Variants in CDKAL1 observed in about 807,000 individuals in gnomAD.
CDKAL1 encodes threonylcarbamoyladenosine tRNA methylthiotransferase.
In CDKAL1, 32 loss-of-function variants were observed where a neutral mutation model predicts 68.2. That is an observed-to-expected ratio of 0.47 (90% CI 0.35 to 0.63). CDKAL1 has a LOEUF of 0.63. CDKAL1 is among the 30% of genes least tolerant of loss of function. The probability of loss-of-function intolerance (pLI) is 0.00; values close to 1 mark genes in which losing one functional copy is unlikely to be tolerated. For synonymous variants in CDKAL1, 234 were observed against 244.3 expected, an observed-to-expected ratio of 0.96 and a Z score of 0.39; for missense variants, 606 against 696.7, an observed-to-expected ratio of 0.87 and a Z score of 1.47.
chr6:21,153,901 T>C (rs9460602), intron 13 of CDKAL1, among the ~76,000 whole-genome samples: 1 of 152,016 alleles, frequency 6.6e-6, no homozygotes, highest in African/African-American at 2.4e-5. Context: ...CTGGACTTTT[T>C]TCACACAGGG....
At chr6:20,806,040 G>A (rs1201744994) in intron 8 of CDKAL1, among the ~76,000 whole-genome samples, 1 of 152,222 alleles carries the variant, frequency 6.6e-6, no homozygotes, top group African/African-American at 2.4e-5. Flanking sequence ...AATATGTACA[G>A]GTCTTTATGT....
intron 13 of CDKAL1, among the ~76,000 whole-genome samples, chr6:21,172,369 C>G (rs978913714): frequency 2.6e-5 from 4 of 152,156 alleles, no homozygotes; most frequent in Admixed American, 1.3e-4. Context: ...TGCTGCCTTC[C>G]TAAAATCTAG....
intron 9 of CDKAL1, among the ~76,000 whole-genome samples, chr6:20,876,717 T>A (rs1238043738): frequency 6.6e-6 from 1 of 152,196 alleles, no homozygotes. Context: ...GAATTCAGTG[T>A]GTAATCATTA....
intron 13 of CDKAL1, among the ~76,000 whole-genome samples, chr6:21,160,307 C>CT (rs1178473324): frequency 2.0e-5 from 3 of 149,816 alleles, no homozygotes; most frequent in Non-Finnish European, 4.5e-5. Flanking sequence ...TTCTTTTTTT[C>CT]TTTTTTTTGA....
intron 7 of CDKAL1, among the ~76,000 whole-genome samples, chr6:20,760,463 C>A (rs148462155): frequency 2.2e-3 from 334 of 152,254 alleles, no homozygotes; most frequent in African/African-American, 7.1e-3. Flanking sequence ...TGGGTTAAGT[C>A]ATTTAACCTT....
At chr6:21,227,246 A>G (rs2151129457) in intron 15 of CDKAL1, among the ~76,000 whole-genome samples, 1 of 152,270 alleles carries the variant, frequency 6.6e-6, no homozygotes, top group South Asian at 2.1e-4. Context: ...TTTTCTATTC[A>G]TGATCCCTGC....
chr6:20,544,595 CAAAAAAAAA>C (rs747920604), intron 2 of CDKAL1, among the ~76,000 whole-genome samples: 4 of 56,720 alleles, frequency 7.1e-5, no homozygotes, highest in East Asian at 5.5e-4. Context: ...AACTCCGTCT[CAAAAAAAAA>C]AAAAAAAAAA....
intron 4 of CDKAL1, among the ~76,000 whole-genome samples, chr6:20,582,328 A>G (rs1765173692): frequency 6.6e-6 from 1 of 152,206 alleles, no homozygotes; most frequent in South Asian, 2.1e-4. Context: ...ATATTAAATA[A>G]ATTGTTTTGA....
At chr6:20,567,413 T>C (rs1764504976) in intron 4 of CDKAL1, among the ~76,000 whole-genome samples, 1 of 152,118 alleles carries the variant, frequency 6.6e-6, no homozygotes, top group South Asian at 2.1e-4. Context: ...TTTGAGTCCC[T>C]GAAATTAACT....
chr6:20,976,527 A>G (rs1478455695), intron 10 of CDKAL1, among the ~76,000 whole-genome samples: 4 of 152,186 alleles, frequency 2.6e-5, no homozygotes, highest in African/African-American at 7.2e-5. Context: ...TTATTGTGGT[A>G]TAACATAAAT....
At chr6:20,546,576 CAG>C (rs1561915294) in intron 3 of CDKAL1, 53 bp downstream of exon 3, 2 of 1,496,512 alleles carry the variant, frequency 1.3e-6, no homozygotes, top group Non-Finnish European at 9.2e-7. Flanking sequence ...TCTTTTGAGA[CAG>C]AGTCTTGCTC....
chr6:21,223,046 T>C (rs1779594908), intron 15 of CDKAL1, among the ~76,000 whole-genome samples: 1 of 152,132 alleles, frequency 6.6e-6, no homozygotes, highest in Admixed American at 6.5e-5. Flanking sequence ...GAAATGTCTC[T>C]GCATAACATG....
At position 20,697,684 on chromosome 6, in the gene CDKAL1, A is replaced by G. The variant is rs1319864822; in HGVS notation, c.372-41835A>G. Among the ~76,000 whole-genome samples, 3 of 152,240 alleles carry G rather than the reference A, an allele frequency of 2.0e-5. 1 individual carries two copies. The highest frequency in any genetic ancestry group is 6.3e-3 in the Middle Eastern group (2 of 316). On this transcript the variant is annotated intron_variant, in intron 5 of 15. Transcript: ENST00000274695. ...TTCTGGAAGGCCACCCATGGATGCAAAATTAGAAAATGTTTCTGTAGGGAC... is the reference window on the plus strand; with the variant it reads ...TTCTGGAAGGCCACCCATGGATGCAGAATTAGAAAATGTTTCTGTAGGGAC...
At chr6:20,609,358 CCTT>C (rs1475832893) in intron 4 of CDKAL1, among the ~76,000 whole-genome samples, 4 of 137,474 alleles carry the variant, frequency 2.9e-5, no homozygotes, top group African/African-American at 8.2e-5. Context: ...CCTTCTCCTC[CCTT>C]CTTCTCCTTC....
At chr6:20,687,546 A>G (rs115024249) in intron 5 of CDKAL1, among the ~76,000 whole-genome samples, 5,720 of 151,512 alleles carry the variant, frequency 0.038, 158 homozygotes, top group Middle Eastern at 0.061. Flanking sequence ...TTCATATTTT[A>G]TTTTATTTTG....
chr6:20,564,543 G>C (rs1206108404), intron 4 of CDKAL1, among the ~76,000 whole-genome samples: 1 of 152,050 alleles, frequency 6.6e-6, no homozygotes, highest in Non-Finnish European at 1.5e-5. Context: ...CTAGGACCAG[G>C]TTTCATTTTT....
At chr6:20,789,997 T>C (rs554709882) in intron 8 of CDKAL1, among the ~76,000 whole-genome samples, 3 of 152,238 alleles carry the variant, frequency 2.0e-5, no homozygotes, top group Non-Finnish European at 4.4e-5. Context: ...CACTTTGTTA[T>C]GTTGCCCAGG....
At chr6:20,779,868 TA>T (rs1484632108) in intron 7 of CDKAL1, among the ~76,000 whole-genome samples, 1 of 152,124 alleles carries the variant, frequency 6.6e-6, no homozygotes, top group East Asian at 1.9e-4. Flanking sequence ...GCCAAAACTT[TA>T]TAAATGTATT....
At chr6:21,216,089 A>G (rs1779332059) in intron 15 of CDKAL1, among the ~76,000 whole-genome samples, 1 of 152,200 alleles carries the variant, frequency 6.6e-6, no homozygotes, top group East Asian at 1.9e-4. Context: ...AGGCAAGGCA[A>G]TGGATTCTCC....
Sources: allele counts gnomAD v4.1 joint callset (sites outside exome capture counted in the v4.1 genomes callset), GRCh38; gene constraint gnomAD v4.1.1; transcripts MANE v1.5; gene names NCBI Gene and HGNC (gene_info 2026-07-23, HGNC 2026-07-21).